The following ZC3H12C variants were observed in gnomAD, a reference collection of about 807,000 sequenced individuals.
ZC3H12C encodes the protein probable ribonuclease ZC3H12C.
Under a neutral mutation model 76.3 loss-of-function variants are expected in ZC3H12C, and 20 were observed. The observed-to-expected ratio is 0.26, with a 90% CI of 0.18 to 0.38. The LOEUF (loss-of-function observed/expected upper bound fraction) is 0.38, where lower values mean the gene tolerates loss of function less well. ZC3H12C is among the 10% of genes least tolerant of loss of function. ZC3H12C has a pLI of 1.00. For missense variants in ZC3H12C, 874 were observed against 1,086.5 expected, an observed-to-expected ratio of 0.80 and a Z score of 2.75; for synonymous variants, 352 against 399.6, an observed-to-expected ratio of 0.88 and a Z score of 1.42.
In ZC3H12C at chr11:110,153,065, T is replaced by G; in HGVS notation, c.913+7T>G. The G allele has an allele frequency of 2.5e-6, 4 of 1,609,230 alleles. No individual in the cohort carries two copies. Among genetic ancestry groups the G allele is most frequent in the Non-Finnish European group, 3.4e-6 (4 of 1,177,836 alleles). ...CCTGATGCTCTCATTACAGGTAGGC[T>G]TATTCCAGGCGGCTGCTTGTACCTA... On this transcript the variant is annotated splice_region_variant and intron_variant, in intron 3 of 5. Transcript: ENST00000278590.
Position 110,165,867 on chromosome 11 carries a change from C to CAGA in ZC3H12C, c.*130_*131insAGA. The CAGA allele has an allele frequency of 1.1e-6, 1 of 877,190 alleles. No individual in the cohort carries two copies. The highest frequency in any genetic ancestry group is 1.7e-6 in the Non-Finnish European group (1 of 587,676). 54.3% of individuals were successfully genotyped at this position (877,190 alleles called of 1,614,324 possible). A position where few individuals can be genotyped will look rare whatever the true frequency, so the allele number is the denominator to read the frequency against. Reference sequence around the variant, plus strand: ...ATATAGTATCCATTTATGTGAAATACTGTATCATGGAATCTGTATGTATAG... The same window carrying CAGA: ...ATATAGTATCCATTTATGTGAAATACAGATGTATCATGGAATCTGTATGTATAG... On this transcript the variant is annotated 3_prime_UTR_variant, in exon 6 of 6. Coordinates refer to ENST00000278590, the MANE Select transcript of ZC3H12C (RefSeq NM_033390.2).
chr11:110,129,799 A>C (rs1334248364), intron 1 of ZC3H12C, among the ~76,000 whole-genome samples: 2 of 139,212 alleles, frequency 1.4e-5, no homozygotes, highest in African/African-American at 5.5e-5. Context: ...ACAATGCCTT[A>C]TAGTATTTAC....
At chr11:110,156,584 A>G (rs538403357) in intron 3 of ZC3H12C, among the ~76,000 whole-genome samples, 1 of 152,354 alleles carries the variant, frequency 6.6e-6, no homozygotes, top group African/African-American at 2.4e-5. Flanking sequence ...AAGACATGGC[A>G]TAGATGAGTA....
intron 1 of ZC3H12C, among the ~76,000 whole-genome samples, chr11:110,100,212 CTT>C (rs10656341): frequency 7.5e-6 from 1 of 134,192 alleles, no homozygotes. Flanking sequence ...CTATATGGTA[CTT>C]TTTTTTTTTT....
intron 1 of ZC3H12C, among the ~76,000 whole-genome samples, chr11:110,123,271 A>G (rs1861682179): frequency 6.6e-6 from 1 of 152,186 alleles, no homozygotes; most frequent in Non-Finnish European, 1.5e-5. Context: ...GTACTTTTCT[A>G]AAATTCCTCA....
At chr11:110,111,979 G>A (rs1170080927) in intron 1 of ZC3H12C, among the ~76,000 whole-genome samples, 1 of 14,192 alleles carries the variant, frequency 7.0e-5, no homozygotes, top group South Asian at 1.1e-3. Context: ...GTGCACACAT[G>A]TACACATGAA....
chr11:110,104,877 AT>A (rs1861294189), intron 1 of ZC3H12C, among the ~76,000 whole-genome samples: 1 of 152,230 alleles, frequency 6.6e-6, no homozygotes, highest in Non-Finnish European at 1.5e-5. Flanking sequence ...CTACTTACTC[AT>A]TGGCTCTTAG....
At chr11:110,146,239 C>CA (rs1182063944) in intron 2 of ZC3H12C, among the ~76,000 whole-genome samples, 2 of 152,204 alleles carry the variant, frequency 1.3e-5, no homozygotes, top group African/African-American at 4.8e-5. Context: ...CCGCCCGCCT[C>CA]AGCCTCCCAA....
chr11:110,128,889 C>CAA (rs145436449), intron 1 of ZC3H12C, among the ~76,000 whole-genome samples: 343 of 93,720 alleles, frequency 3.7e-3, no homozygotes, highest in Non-Finnish European at 4.5e-3. Flanking sequence ...CCACCACTAA[C>CAA]AAAAAAAAAA....
At chr11:110,129,379 C>T (rs1861817984) in intron 1 of ZC3H12C, among the ~76,000 whole-genome samples, 1 of 152,130 alleles carries the variant, frequency 6.6e-6, no homozygotes, top group Non-Finnish European at 1.5e-5. Flanking sequence ...ACTGAAACAT[C>T]TTAACCATGT....
chr11:110,125,067 A>G (rs1861715158), intron 1 of ZC3H12C, among the ~76,000 whole-genome samples: 1 of 152,152 alleles, frequency 6.6e-6, no homozygotes, highest in African/African-American at 2.4e-5. Context: ...AAAGGTGTCT[A>G]TGAGGTTTTA....
At chr11:110,143,099 T>A (rs368744695) in intron 2 of ZC3H12C, among the ~76,000 whole-genome samples, 6 of 152,162 alleles carry the variant, frequency 3.9e-5, no homozygotes, top group African/African-American at 1.4e-4. Flanking sequence ...TAGGCATGCA[T>A]AAATAGTTAT....
intron 1 of ZC3H12C, among the ~76,000 whole-genome samples, chr11:110,102,612 A>G (rs1861237561): frequency 6.6e-6 from 1 of 152,196 alleles, no homozygotes; most frequent in South Asian, 2.1e-4. Flanking sequence ...AACCTAGTTG[A>G]CAAAGCAGTG....
At chr11:110,124,749 G>A (rs1356687010) in intron 1 of ZC3H12C, among the ~76,000 whole-genome samples, 3 of 151,818 alleles carry the variant, frequency 2.0e-5, no homozygotes, top group East Asian at 1.9e-4. Context: ...AGGAGGCCCC[G>A]TTTGTAGATG....
intron 2 of ZC3H12C, among the ~76,000 whole-genome samples, chr11:110,142,714 A>G (rs1862088610): frequency 6.6e-6 from 1 of 152,170 alleles, no homozygotes; most frequent in African/African-American, 2.4e-5. Flanking sequence ...GTTGTCCTAA[A>G]TCGATGACTT....
At chr11:110,135,351 A>G (rs139519310) in intron 1 of ZC3H12C, among the ~76,000 whole-genome samples, 2,551 of 152,072 alleles carry the variant, frequency 0.017, 65 homozygotes, top group African/African-American at 0.057. Context: ...TTAGCCGAGC[A>G]TGGTGGCACT....
intron 4 of ZC3H12C, among the ~76,000 whole-genome samples, chr11:110,161,735 A>C (rs1862485278): frequency 6.6e-6 from 1 of 152,238 alleles, no homozygotes; most frequent in Non-Finnish European, 1.5e-5. Flanking sequence ...ATTATTTATA[A>C]TTGCAAGAAT....
intron 1 of ZC3H12C, chr11:110,124,416 A>G (rs1861703437): frequency 1.3e-5 from 2 of 152,064 alleles, no homozygotes; most frequent in Admixed American, 6.5e-5. Context: ...GCTGCATGCC[A>G]TATTGGTTGT....
At chr11:110,103,674 C>T (rs1164536160) in intron 1 of ZC3H12C, among the ~76,000 whole-genome samples, 2 of 149,642 alleles carry the variant, frequency 1.3e-5, no homozygotes, top group African/African-American at 2.5e-5. Flanking sequence ...GGTGCGAACT[C>T]GGCTCACTGC....
Sources: gnomAD v4.1 joint callset for allele counts (sites outside exome capture counted in the v4.1 genomes callset) on GRCh38, gnomAD v4.1.1 for gene constraint, MANE v1.5 for transcripts, NCBI Gene and HGNC (gene_info 2026-07-23, HGNC 2026-07-21) for gene names.